KLHL32: variants seen among roughly 807,000 people sequenced by gnomAD.
KLHL32 encodes the protein kelch like family member 32.
A neutral mutation model predicts 64.8 loss-of-function variants in KLHL32; 35 were observed. The ratio of observed to expected loss-of-function variants is 0.54; its 90% CI spans 0.41 to 0.72. The LOEUF is 0.72. Ranked by LOEUF, KLHL32 falls within the 30% of genes least tolerant of loss-of-function variation. KLHL32 has a pLI of 0.00. For synonymous variants in KLHL32, 259 were observed against 281.0 expected, an observed-to-expected ratio of 0.92 and a Z score of 0.78; for missense variants, 589 against 768.5, an observed-to-expected ratio of 0.77 and a Z score of 2.76.
intron 3 of KLHL32, among the ~76,000 whole-genome samples, chr6:97,000,122 AAG>A (rs1778856298): frequency 6.6e-6 from 1 of 152,246 alleles, no homozygotes; most frequent in Admixed American, 6.5e-5. Flanking sequence ...ATTTTAATCA[AAG>A]CCAGAAAAGG....
intron 4 of KLHL32, among the ~76,000 whole-genome samples, chr6:97,056,668 A>G (rs1027238875): frequency 6.6e-6 from 1 of 152,174 alleles, no homozygotes; most frequent in Non-Finnish European, 1.5e-5. Flanking sequence ...GCCCCTACCT[A>G]TACTCTAGAC....
Position 96,944,595 on chromosome 6 carries a change from A to G in KLHL32, c.-66+19569A>G, listed in dbSNP as rs574648111. On this transcript the variant is annotated intron_variant, in intron 1 of 10. Transcript: ENST00000369261. The stretch of plus-strand genomic sequence containing the variant: ...TTCAGGAAGTACTTGCCAACTCATC[A>G]TGTCATTTAGTCTTAAAAGTATTGT... Among the ~76,000 whole-genome samples the G allele has an allele frequency of 5.3e-5, 8 of 152,338 alleles. No homozygotes were observed. The South Asian group carries it at 1.7e-3, about 32-fold the overall frequency.
chr6:96,990,565 AG>A lies in KLHL32; in HGVS notation c.204+14389del, dbSNP rs1242544759. Among the ~76,000 whole-genome samples, 5 of 152,276 alleles carry A rather than the reference AG, an allele frequency of 3.3e-5. No homozygotes were observed. In the East Asian group the frequency reaches 7.7e-4, roughly 24 times the overall value. ...TTGGCACTCCCAGGGTGCACACTGC[AG>A]CTCTGGGGTGAGCTCAGGCTTTGTG... On this transcript the variant is annotated intron_variant, in intron 3 of 10. Coordinates refer to ENST00000369261, the MANE Select transcript of KLHL32 (RefSeq NM_052904.4).
At chr6:96,968,436 G>A (rs1774732823) in intron 2 of KLHL32, among the ~76,000 whole-genome samples, 1 of 152,034 alleles carries the variant, frequency 6.6e-6, no homozygotes, top group Non-Finnish European at 1.5e-5. Flanking sequence ...TACTGAGGCT[G>A]AGAAACCCTG....
At chr6:96,909,507 T>C in the KLHL32 span, among the ~76,000 whole-genome samples, 1 of 152,204 alleles carries the variant, frequency 6.6e-6, no homozygotes, top group Non-Finnish European at 1.5e-5. Context: ...GTTCGCACTG[T>C]TGTGGGTTAC....
chr6:97,136,669 A>AT (rs990980214), intron 10 of KLHL32, among the ~76,000 whole-genome samples: 3 of 151,772 alleles, frequency 2.0e-5, no homozygotes, highest in Admixed American at 6.6e-5. Flanking sequence ...ATTTACTATT[A>AT]TTTTTTTTGG....
chr6:97,115,367 C>T (rs558627826), intron 7 of KLHL32, among the ~76,000 whole-genome samples: 1 of 152,290 alleles, frequency 6.6e-6, no homozygotes, highest in African/African-American at 2.4e-5. Flanking sequence ...GTTACTTGTG[C>T]CATTCTAACC....
intron 5 of KLHL32, among the ~76,000 whole-genome samples, chr6:97,081,679 C>T (rs1792543095): frequency 1.3e-5 from 2 of 152,208 alleles, no homozygotes. Context: ...CAAGTCAAAT[C>T]CCTGTTATGG....
intron 5 of KLHL32, among the ~76,000 whole-genome samples, chr6:97,065,712 C>T (rs1478071983): frequency 6.6e-6 from 1 of 152,114 alleles, no homozygotes; most frequent in African/African-American, 2.4e-5. Flanking sequence ...TTTTCCTGCC[C>T]AATTACTTTA....
At chr6:96,967,544 A>G (rs894638713) in intron 2 of KLHL32, among the ~76,000 whole-genome samples, 1 of 151,876 alleles carries the variant, frequency 6.6e-6, no homozygotes, top group Non-Finnish European at 1.5e-5. Flanking sequence ...TAAGGCAATC[A>G]CTTTGGGGAG....
chr6:97,003,866 A>C (rs1284365847), intron 3 of KLHL32, among the ~76,000 whole-genome samples: 1 of 152,160 alleles, frequency 6.6e-6, no homozygotes, highest in African/African-American at 2.4e-5. Flanking sequence ...CTTTTGTACC[A>C]ATATCATGCT....
chr6:96,964,451 A>T (rs1310919736), intron 1 of KLHL32, among the ~76,000 whole-genome samples: 1 of 152,236 alleles, frequency 6.6e-6, no homozygotes, highest in Non-Finnish European at 1.5e-5. Context: ...CAGGAGATCG[A>T]GACCATCCTG....
At chr6:97,099,832 C>T (rs1795468709) in intron 6 of KLHL32, among the ~76,000 whole-genome samples, 1 of 151,728 alleles carries the variant, frequency 6.6e-6, no homozygotes, top group Non-Finnish European at 1.5e-5. Context: ...GATATGACTA[C>T]CTGGGCATTG....
At chr6:96,907,072 C>T in the KLHL32 span, among the ~76,000 whole-genome samples, 2 of 148,932 alleles carry the variant, frequency 1.3e-5, no homozygotes, top group African/African-American at 2.6e-5. Context: ...AATATATTTA[C>T]TGTAAGAAAT....
At chr6:97,024,939 C>T in intron 3 of KLHL32, 3 of 947,002 alleles carry the variant, frequency 3.2e-6, no homozygotes, top group Non-Finnish European at 3.8e-6. Flanking sequence ...AAGATTATAA[C>T]TTTTATGCTG....
chr6:97,067,640 G>T (rs1286880897), intron 5 of KLHL32, among the ~76,000 whole-genome samples: 4 of 152,122 alleles, frequency 2.6e-5, no homozygotes, highest in African/African-American at 9.7e-5. Context: ...CATTTCCACT[G>T]CTAAGTCACC....
chr6:97,056,723 G>C (rs1002407464), intron 4 of KLHL32, among the ~76,000 whole-genome samples: 3 of 152,112 alleles, frequency 2.0e-5, no homozygotes, highest in Non-Finnish European at 4.4e-5. Context: ...AAATAATTCA[G>C]TAAATAATTC....
chr6:96,900,366 T>C, the KLHL32 span, among the ~76,000 whole-genome samples: 1 of 152,302 alleles, frequency 6.6e-6, no homozygotes, highest in East Asian at 1.9e-4. Context: ...CTCTGGTGAA[T>C]AGGTGAATGA....
At chr6:97,033,756 T>C (rs1249803634) in intron 3 of KLHL32, among the ~76,000 whole-genome samples, 1 of 152,158 alleles carries the variant, frequency 6.6e-6, no homozygotes, top group Non-Finnish European at 1.5e-5. Flanking sequence ...GGTTTTTACT[T>C]GCTTTTCCCT....
Sources: allele counts gnomAD v4.1 joint callset (sites outside exome capture counted in the v4.1 genomes callset), GRCh38; gene constraint gnomAD v4.1.1; transcripts MANE v1.5; gene names NCBI Gene and HGNC (gene_info 2026-07-23, HGNC 2026-07-21).